The following VEGFD variants were observed in gnomAD, a reference collection of about 807,000 sequenced individuals.
VEGFD encodes vascular endothelial growth factor D, also known as c-fos induced growth factor (vascular endothelial growth factor D).
A neutral mutation model predicts 28.0 loss-of-function variants in VEGFD; 26 were observed. The observed-to-expected ratio is 0.93, with a 90% CI of 0.68 to 1.29. The LOEUF (loss-of-function observed/expected upper bound fraction) is 1.29, where lower values mean the gene tolerates loss of function less well. Among genes scored for constraint, VEGFD ranks in the 50% most tolerant of loss-of-function variants. The pLI, the probability that VEGFD is intolerant of heterozygous loss-of-function variation, is 0.00. For missense variants in VEGFD, 294 were observed against 273.4 expected (o/e 1.08, Z -0.53); for synonymous variants, 93 against 95.5 (o/e 0.97, Z 0.15).
chrX:15,377,683 T>C (rs1402342688), intron 1 of VEGFD, among the ~76,000 whole-genome samples: 1 of 111,928 alleles, frequency 8.9e-6, no homozygotes, highest in Non-Finnish European at 1.9e-5. Context: ...TGGCCCTTTG[T>C]GGCTAGATGG....
In VEGFD at chrX:15,363,224, C is replaced by G; in HGVS notation, c.186G>C (p.Trp62Cys). Reference sequence around the variant, plus strand: ...GCCTCAGCCTGCATCTCCACAGCTTCCAGTCCTCAGAGTGAGTAATTCGAA... The same window carrying G: ...GCCTCAGCCTGCATCTCCACAGCTTGCAGTCCTCAGAGTGAGTAATTCGAA... ...ELLRITHSED[W>C]KLWRCRLRLK... Residue 62 changes from tryptophan to cysteine, a missense_variant, in exon 2 of 7, where the codon TGG becomes TGC. Physicochemically the swap from Trp to Cys is radical, Grantham distance 215. Transcript: ENST00000297904. 8.3e-7 allele frequency: 1 copy of G among 1,211,351 alleles called. No homozygotes were observed. Among genetic ancestry groups the G allele is most frequent in the South Asian group, 1.8e-5 (1 of 56,980 alleles).
At chrX:15,380,418 T>C (rs1923541238) in intron 1 of VEGFD, among the ~76,000 whole-genome samples, 1 of 112,951 alleles carries the variant, frequency 8.9e-6, no homozygotes, top group Non-Finnish European at 1.9e-5. Flanking sequence ...GATCTTGGAC[T>C]GATTCTAGTC....
intron 1 of VEGFD, among the ~76,000 whole-genome samples, chrX:15,365,442 T>G (rs1358610829): frequency 8.9e-6 from 1 of 112,351 alleles, no homozygotes; most frequent in African/African-American, 3.2e-5. Context: ...CAACAATGGT[T>G]ATTCTTTAGA....
At chrX:15,355,125 T>TAAAAA in intron 4 of VEGFD, 25 bp downstream of exon 4, 1 of 915,619 alleles carries the variant, frequency 1.1e-6, no homozygotes, top group Non-Finnish European at 1.5e-6. Flanking sequence ...TAATCCAGTA[T>TAAAAA]AAAAAAAAAA....
chrX:15,374,786 CTTT>C (rs558207454), intron 1 of VEGFD, among the ~76,000 whole-genome samples: 8 of 98,214 alleles, frequency 8.1e-5, no homozygotes, highest in Non-Finnish European at 1.4e-4. Flanking sequence ...TTTTTCTTTT[CTTT>C]TTTTTTTTTT....
intron 5 of VEGFD, among the ~76,000 whole-genome samples, chrX:15,351,230 C>T (rs1372326081): frequency 9.9e-6 from 1 of 100,864 alleles, no homozygotes; most frequent in African/African-American, 3.6e-5. Flanking sequence ...ATTCTCCTGC[C>T]TCAGCCTCCC....
At position 15,383,960 on chromosome X, in the gene VEGFD, A is replaced by G. The variant is rs1183385542; in HGVS notation, c.-14T>C. On this transcript the variant is annotated 5_prime_UTR_variant, in exon 1 of 7. Transcript: ENST00000297904. ...CTCTCTGTACATTTTGAATATTTCA[A>G]TATCCACTGATTACTAAGCAGTTGA... 3.6e-6 allele frequency: 4 copies of G among 1,114,918 alleles called. No homozygotes were observed. The highest frequency in any genetic ancestry group is 5.0e-6 in the Non-Finnish European group (4 of 807,285). 91.9% of individuals were successfully genotyped at this position (1,114,918 alleles called of 1,213,427 possible).
intron 1 of VEGFD, among the ~76,000 whole-genome samples, chrX:15,368,150 AAGAG>A (rs1265961795): frequency 3.6e-5 from 4 of 109,779 alleles, no homozygotes; most frequent in Non-Finnish European, 5.7e-5. Context: ...AAAGGAGAGA[AAGAG>A]AAAGAAAGAA....
At chrX:15,374,962 T>A (rs1279885867) in intron 1 of VEGFD, among the ~76,000 whole-genome samples, 4 of 110,844 alleles carry the variant, frequency 3.6e-5, no homozygotes, top group African/African-American at 9.8e-5. Flanking sequence ...ACAATAAATG[T>A]TGCATTCCTT....
intron 5 of VEGFD, among the ~76,000 whole-genome samples, chrX:15,348,519 A>G (rs1238606826): frequency 8.9e-6 from 1 of 112,360 alleles, no homozygotes; most frequent in Non-Finnish European, 1.9e-5. Flanking sequence ...TAGTAACCTC[A>G]CAGACTCATC....
At chrX:15,355,982 T>C (rs1922857628) in intron 3 of VEGFD, among the ~76,000 whole-genome samples, 1 of 112,205 alleles carries the variant, frequency 8.9e-6, no homozygotes, top group African/African-American at 3.2e-5. Context: ...TGAGTTTTAG[T>C]GTGTTTGTTA....
At chrX:15,369,575 T>C (rs1420325350) in intron 1 of VEGFD, among the ~76,000 whole-genome samples, 2 of 111,658 alleles carry the variant, frequency 1.8e-5, no homozygotes, top group African/African-American at 6.5e-5. Flanking sequence ...ATTGTATTGT[T>C]GCTTTGGAAA....
intron 4 of VEGFD, among the ~76,000 whole-genome samples, chrX:15,354,935 C>T (rs1417670362): frequency 2.7e-5 from 3 of 111,530 alleles, no homozygotes; most frequent in Non-Finnish European, 5.6e-5. Flanking sequence ...AAGCTCATAC[C>T]ACTGAGCGTT....
chrX:15,360,756 A>G, intron 2 of VEGFD, among the ~76,000 whole-genome samples: 1 of 112,850 alleles, frequency 8.9e-6, no homozygotes, highest in African/African-American at 3.2e-5. Flanking sequence ...TTAATTCACT[A>G]TAATTAATCA....
intron 4 of VEGFD, among the ~76,000 whole-genome samples, chrX:15,354,803 C>A (rs1311673741): frequency 9.0e-6 from 1 of 111,325 alleles, no homozygotes; most frequent in Non-Finnish European, 1.9e-5. Context: ...ATACAAACAG[C>A]CTGAAATAAG....
intron 5 of VEGFD, among the ~76,000 whole-genome samples, chrX:15,350,433 C>G (rs1215357812): frequency 8.9e-6 from 1 of 112,835 alleles, no homozygotes; most frequent in Non-Finnish European, 1.9e-5. Flanking sequence ...GCTACATCCC[C>G]TCTCCAAGGC....
intron 2 of VEGFD, among the ~76,000 whole-genome samples, chrX:15,360,756 ATAAT>A (rs780499011): frequency 5.3e-5 from 6 of 112,850 alleles, no homozygotes; most frequent in Middle Eastern, 4.6e-3. Flanking sequence ...TTAATTCACT[ATAAT>A]TAATCATGAA....
chrX:15,346,801 C>T (rs772814211), intron 6 of VEGFD, among the ~76,000 whole-genome samples: 12 of 110,713 alleles, frequency 1.1e-4, no homozygotes, highest in African/African-American at 3.3e-4. Context: ...TGTGGTGGCA[C>T]GTGCCTGTAA....
At chrX:15,374,526 G>A (rs1285246442) in intron 1 of VEGFD, among the ~76,000 whole-genome samples, 1 of 111,825 alleles carries the variant, frequency 8.9e-6, no homozygotes, top group Non-Finnish European at 1.9e-5. Flanking sequence ...AATACAAAAC[G>A]ACAGTGAAGG....
Sources: allele counts gnomAD v4.1 joint callset (sites outside exome capture counted in the v4.1 genomes callset), GRCh38; gene constraint gnomAD v4.1.1; transcripts MANE v1.5; gene names NCBI Gene and HGNC (gene_info 2026-07-23, HGNC 2026-07-21).